Variants in KIAA1614 observed in about 807,000 individuals in gnomAD.
The protein encoded by KIAA1614 is uncharacterized protein KIAA1614.
A neutral mutation model predicts 88.7 loss-of-function variants in KIAA1614; 76 were observed. That is an observed-to-expected ratio of 0.86 (90% CI 0.71 to 1.04). KIAA1614 has a LOEUF of 1.04. KIAA1614 is among the 50% of genes least tolerant of loss of function. The pLI, the probability that KIAA1614 is intolerant of heterozygous loss-of-function variation, is 0.00. For synonymous variants in KIAA1614, 714 were observed against 675.5 expected, an observed-to-expected ratio of 1.06 and a Z score of -0.88; for missense variants, 1,553 against 1,582.5, an observed-to-expected ratio of 0.98 and a Z score of 0.32.
intron 3 of KIAA1614, among the ~76,000 whole-genome samples, chr1:180,926,524 A>G (rs1654072611): frequency 6.6e-6 from 1 of 151,290 alleles, no homozygotes; most frequent in South Asian, 2.1e-4. Context: ...GGGAGCAGAA[A>G]GGAAATAGCA....
At position 180,947,322 on chromosome 1, in the gene KIAA1614, C is replaced by A. The variant is rs1189713136; in HGVS notation, c.*1734C>A. 1.3e-5 allele frequency: 2 copies of A among 152,278 alleles called. No homozygotes were observed. The highest frequency in any genetic ancestry group is 4.8e-5 in the African/African-American group (2 of 41,424). 9.4% of individuals were successfully genotyped at this position (152,278 alleles called of 1,614,324 possible). Reference sequence around the variant, plus strand: ...ATGGGAGCCACTAGAGGGCTCGGAGCGAGCACTGAGACTCTCTAATGTCTA... The same window carrying A: ...ATGGGAGCCACTAGAGGGCTCGGAGAGAGCACTGAGACTCTCTAATGTCTA... On this transcript the variant is annotated 3_prime_UTR_variant, in exon 9 of 9. Coordinates refer to ENST00000367588, the MANE Select transcript of KIAA1614 (RefSeq NM_020950.2).
chr1:180,913,500 C>T (rs918754364), intron 1 of KIAA1614, among the ~76,000 whole-genome samples: 8 of 152,182 alleles, frequency 5.3e-5, no homozygotes, highest in Non-Finnish European at 1.0e-4. Flanking sequence ...AGTGCTTGGG[C>T]CATAGAACCA....
intron 3 of KIAA1614, among the ~76,000 whole-genome samples, chr1:180,925,446 C>T (rs1204528722): frequency 6.6e-6 from 1 of 152,240 alleles, no homozygotes; most frequent in Non-Finnish European, 1.5e-5. Context: ...AGCGGCAGAT[C>T]CCTCTACATT....
chr1:180,941,206 A>G lies in KIAA1614; in HGVS notation c.3080A>G (p.Tyr1027Cys). The G allele has an allele frequency of 6.2e-7, 1 of 1,613,824 alleles. No individual in the cohort carries two copies. The highest frequency in any genetic ancestry group is 8.5e-7 in the Non-Finnish European group (1 of 1,179,948). ...CCCAAGCTGGGCAAGTCCCGCAGCT[A>G]CAGTGTGGAGCAGTTGCAGCCCGCC... The part of the protein sequence containing the change: ...SRPKLGKSRS[Y>C]SVEQLQPAPP... The change falls in exon 7 of 9, where the codon TAC (tyrosine) becomes TGC (cysteine). Residue 1027 changes from tyrosine (Y) to cysteine (C), a missense_variant. Tyr to Cys is a radical substitution (Grantham distance 194). Transcript: ENST00000367588.
intron 2 of KIAA1614, among the ~76,000 whole-genome samples, chr1:180,917,308 G>GC (rs1292603530): frequency 6.6e-6 from 1 of 152,152 alleles, no homozygotes; most frequent in Non-Finnish European, 1.5e-5. Context: ...GTCTGCCGAA[G>GC]CCCCCCATGA....
intron 3 of KIAA1614, among the ~76,000 whole-genome samples, chr1:180,925,166 G>A (rs564667897): frequency 1.6e-4 from 25 of 152,266 alleles, no homozygotes; most frequent in Non-Finnish European, 2.8e-4. Context: ...GCAGACCTGG[G>A]AAGAAGGGAC....
chr1:180,947,436 T>A lies in KIAA1614; in HGVS notation c.*1848T>A, dbSNP rs1040743900. On this transcript the variant is annotated 3_prime_UTR_variant, in exon 9 of 9. Transcript: ENST00000367588. ...AGTCCAGGACAGAGACAGTGGTGCC[T>A]GGACTGGGAACGGCTGTGGAGATGG... 1.3e-5 allele frequency: 2 copies of A among 151,994 alleles called. No homozygotes were observed. Among genetic ancestry groups the A allele is most frequent in the Admixed American group, 6.5e-5 (1 of 15,280 alleles). The allele number at this position is 151,994 out of a possible 1,614,324, so 9.4% of individuals were successfully genotyped here. A position where few individuals can be genotyped will look rare whatever the true frequency, so the allele number is the denominator to read the frequency against.
At chr1:180,922,247 G>A (rs543602983) in intron 3 of KIAA1614, among the ~76,000 whole-genome samples, 18 of 152,214 alleles carry the variant, frequency 1.2e-4, no homozygotes, top group South Asian at 4.1e-4. Context: ...AGAAGGTCTC[G>A]GTTTTGTTTT....
chr1:180,920,284 C>T (rs887771954), intron 3 of KIAA1614, among the ~76,000 whole-genome samples: 7 of 152,200 alleles, frequency 4.6e-5, no homozygotes, highest in Admixed American at 6.5e-5. Flanking sequence ...AATGAACTTC[C>T]CAAGAGACCT....
In KIAA1614 at chr1:180,935,139, G is replaced by C. The variant is rs1352598196; in HGVS notation, c.1230G>C (p.Arg410=). 2.8e-6 allele frequency: 4 copies of C among 1,441,986 alleles called. No individual in the cohort carries two copies. Among genetic ancestry groups the C allele is most frequent in the Non-Finnish European group, 3.6e-6 (4 of 1,097,342 alleles). 89.3% of individuals were successfully genotyped at this position (1,441,986 alleles called of 1,614,324 possible). Residue 410 remains arginine, a synonymous_variant, in exon 5 of 9, where the codon CGG becomes CGC. Coordinates refer to ENST00000367588, the MANE Select transcript of KIAA1614 (RefSeq NM_020950.2). The surrounding 1 kb of genome is among the most constrained non-coding windows in gnomAD (Gnocchi z 6.1). ...GAGATGGCCACAGAAGCCCAGCCCG[G>C]GACCCCAGGACGACCCCTGCCTGCA... ...GSRDGHRSPA[R]DPRTTPACRD... is the part of the protein sequence containing the mutation.
At chr1:180,938,520 G>A (rs567980029) in intron 5 of KIAA1614, 35 bp from the exon 6 acceptor site, 19 of 1,607,474 alleles carry the variant, frequency 1.2e-5, no homozygotes, top group African/African-American at 9.3e-5. Context: ...GGGATGAGCC[G>A]GTCTGACTCA....
In KIAA1614 at chr1:180,944,407, C is replaced by A. The variant is rs756272722; in HGVS notation, c.3178C>A (p.Arg1060Ser). The change falls in exon 8 of 9, where the codon CGT becomes AGT. Residue 1060 changes from arginine to serine, a missense_variant. Transcript: ENST00000367588. Reference sequence around the variant, plus strand: ...TCATCAGGTGTCACCCTCTCACCAGCGTCGGAAAGCTGCCTCTTTTCAGAA... The same window carrying A: ...TCATCAGGTGTCACCCTCTCACCAGAGTCGGAAAGCTGCCTCTTTTCAGAA... ...SLHPVSPSHQ[R>S]RKAASFQNLH... 1.9e-6 allele frequency: 3 copies of A among 1,613,544 alleles called. No individual in the cohort carries two copies. Among genetic ancestry groups the A allele is most frequent in the Non-Finnish European group, 1.7e-6 (2 of 1,179,712 alleles).
intron 3 of KIAA1614, among the ~76,000 whole-genome samples, chr1:180,923,261 A>G (rs1372441595): frequency 6.6e-6 from 1 of 152,210 alleles, no homozygotes; most frequent in East Asian, 1.9e-4. Context: ...GACGGAGGTT[A>G]GGAGGTGGGG....
rs1571297564 is a variant in KIAA1614 at position 180,936,396 on chromosome 1, A to G, written c.2487A>G (p.Gly829=). ...PVSHRKAALA[G]LLRLGDQTEP... ...CTCACAGGAAGGCAGCCCTGGCTGG[A>G]CTGCTCAGGCTGGGTGACCAGACAG... The change falls in exon 5 of 9, where the codon GGA becomes GGG. Residue 829 remains glycine (G), a synonymous_variant. Transcript: ENST00000367588. 1 of 1,614,184 alleles carries G rather than the reference A, an allele frequency of 6.2e-7. No individual in the cohort carries two copies. Among genetic ancestry groups the G allele is most frequent in the South Asian group, 1.1e-5 (1 of 91,078 alleles).
chr1:180,925,301 G>C (rs1054400726), intron 3 of KIAA1614, among the ~76,000 whole-genome samples: 1 of 152,226 alleles, frequency 6.6e-6, no homozygotes, highest in Non-Finnish European at 1.5e-5. Context: ...CAGAATCACA[G>C]TAGGAGAGCT....
In KIAA1614 at chr1:180,944,495, G is replaced by T; in HGVS notation, c.3266G>T (p.Gly1089Val). ...AGCCTCTACCTGGTAGCAGGGCCAG[G>T]GGACCACAGTGCAGCTGGCAGGTAT... The part of the protein sequence containing the change: ...RSSLYLVAGP[G>V]DHSAAGRPAK... Residue 1089 changes from glycine (G) to valine (V), a missense_variant, in exon 8 of 9, where the codon GGG becomes GTG. Coordinates refer to ENST00000367588, the MANE Select transcript of KIAA1614 (RefSeq NM_020950.2). The T allele has an allele frequency of 6.2e-7, 1 of 1,613,768 alleles. No individual in the cohort carries two copies. Among genetic ancestry groups the T allele is most frequent in the South Asian group, 1.1e-5 (1 of 91,066 alleles).
At chr1:180,944,691 G>A in intron 8 of KIAA1614, 175 bp downstream of exon 8, 1 of 621,300 alleles carries the variant, frequency 1.6e-6, no homozygotes, top group South Asian at 2.2e-5. Flanking sequence ...GCACCTCAGT[G>A]CCCTGCATGG....
rs2102269925 is a variant in KIAA1614 at position 180,935,584 on chromosome 1, AC to A, written c.1678del (p.Leu560SerfsTer17). The A allele has an allele frequency of 5.0e-6, 8 of 1,608,884 alleles. No individual in the cohort carries two copies. The highest frequency in any genetic ancestry group is 6.8e-6 in the Non-Finnish European group (8 of 1,178,024). ...GGGGAAGGCGCCCCCCGTCCCCAGG[AC>A]CCTCCAGGAGCTCCAGGCTGCCTGT... ...AQGKAPPVPR[T>X]LQELQAACGM... On this transcript the variant is annotated frameshift_variant, in exon 5 of 9. Transcript: ENST00000367588. LOFTEE classifies it high-confidence loss of function. The surrounding 1 kb of genome is among the most constrained non-coding windows in gnomAD (Gnocchi z 6.1).
At chr1:180,915,114 T>C (rs1653749156) in intron 1 of KIAA1614, among the ~76,000 whole-genome samples, 1 of 152,200 alleles carries the variant, frequency 6.6e-6, no homozygotes, top group Admixed American at 6.5e-5. Flanking sequence ...AATAATGCCA[T>C]TGTGTTAGGG....
Sources: gnomAD v4.1 joint callset for allele counts (sites outside exome capture counted in the v4.1 genomes callset) on GRCh38, gnomAD v4.1.1 for gene constraint, Gnocchi (gnomAD v3.1) non-coding constraint, MANE v1.5 for transcripts, NCBI Gene and HGNC (gene_info 2026-07-23, HGNC 2026-07-21) for gene names.